The following RBM39 variants were observed in gnomAD, a reference collection of about 807,000 sequenced individuals.
The protein encoded by RBM39 is RNA binding motif protein 39.
In RBM39, 12 loss-of-function variants were observed where a neutral mutation model predicts 79.6. The ratio of observed to expected loss-of-function variants is 0.15; its 90% CI spans 0.10 to 0.24. The LOEUF (loss-of-function observed/expected upper bound fraction) is 0.24. Ranked by LOEUF, RBM39 falls within the 10% of genes least tolerant of loss-of-function variation. The pLI is 1.00. For missense variants in RBM39, 243 were observed against 653.4 expected (o/e 0.37, Z 6.85); for synonymous variants, 185 against 208.4 (o/e 0.89, Z 0.97).
intron 11 of RBM39, chr20:35,713,884 A>G (rs1223580196): frequency 8.1e-6 from 2 of 247,206 alleles, no homozygotes; most frequent in Non-Finnish European, 1.6e-5. Context: ...GAAATTACAA[A>G]AAGAAAAACT....
At chr20:35,720,068 T>A in intron 9 of RBM39, 1 of 190,302 alleles carries the variant, frequency 5.3e-6, no homozygotes, top group South Asian at 6.1e-5. Context: ...ATTACAGGTG[T>A]GAGCCACTGC....
chr20:35,705,408 A>T (rs1428123684), intron 14 of RBM39, 78 bp from the exon 15 acceptor site: 1 of 823,272 alleles, frequency 1.2e-6, no homozygotes, highest in South Asian at 1.7e-5. Flanking sequence ...CAAAAAATTT[A>T]AATATTCTAT....
chr20:35,714,163 C>T (rs775871262), intron 11 of RBM39, 22 bp downstream of exon 11: 18 of 1,605,574 alleles, frequency 1.1e-5, no homozygotes, highest in South Asian at 1.1e-4. Context: ...GTAAATCATT[C>T]GTAATAGCAA....
chr20:35,735,105 A>G (rs1318874467), intron 3 of RBM39: 1 of 1,516,340 alleles, frequency 6.6e-7, no homozygotes, highest in Non-Finnish European at 8.8e-7. Flanking sequence ...AAAAAAATAG[A>G]AAAGTCATTT....
chr20:35,729,851 A>ACAC (rs1555901272), intron 4 of RBM39, among the ~76,000 whole-genome samples: 2 of 124,024 alleles, frequency 1.6e-5, no homozygotes, highest in Non-Finnish European at 3.6e-5. Context: ...ATTAAAAAAA[A>ACAC]AAAAACACAC....
chr20:35,709,394 A>T, intron 12 of RBM39, 120 bp from the exon 13 acceptor site: 1 of 789,484 alleles, frequency 1.3e-6, no homozygotes, highest in Non-Finnish European at 2.0e-6. Context: ...AAAACCTGGC[A>T]GCAAAACCTC....
intron 11 of RBM39, 185 bp downstream of exon 11, chr20:35,714,000 A>T (rs1308769935): frequency 4.9e-6 from 3 of 614,920 alleles, no homozygotes; most frequent in Admixed American, 3.2e-5. Flanking sequence ...TTCAAAACAC[A>T]TAATATAGAT....
At chr20:35,712,459 A>AAG (rs1555890288) in intron 12 of RBM39, among the ~76,000 whole-genome samples, 11 of 22,780 alleles carry the variant, frequency 4.8e-4, no homozygotes, top group East Asian at 2.0e-3. Context: ...AAAAAAAAAA[A>AAG]GGGGGCGGGG....
Position 35,705,345 on chromosome 20 carries a change from T to A in RBM39, c.1308-15A>T. Reference sequence around the variant, plus strand: ...CTTCTTCTTCTCTGTAAGAAAGTATTAAGGACTCTTAAATACTATTGAAAC... The same window carrying A: ...CTTCTTCTTCTCTGTAAGAAAGTATAAAGGACTCTTAAATACTATTGAAAC... On this transcript the variant is annotated splice_polypyrimidine_tract_variant and intron_variant, in intron 14 of 16. Transcript: ENST00000253363. 7.2e-7 allele frequency: 1 copy of A among 1,393,910 alleles called. No individual in the cohort carries two copies. The highest frequency in any genetic ancestry group is 1.0e-6 in the Non-Finnish European group (1 of 996,952). The allele number at this position is 1,393,910 out of a possible 1,614,324, so 86.3% of individuals were successfully genotyped here.
At chr20:35,725,752 T>A (rs2038598273) in intron 6 of RBM39, among the ~76,000 whole-genome samples, 1 of 144,560 alleles carries the variant, frequency 6.9e-6, no homozygotes, top group Admixed American at 7.1e-5. Context: ...AACCTCCGCC[T>A]CCCTGAGTTC....
chr20:35,724,576 T>C lies in RBM39; in HGVS notation c.681A>G (p.Ala227=). 2 of 1,613,636 alleles carry C rather than the reference T, an allele frequency of 1.2e-6. No homozygotes were observed. Among genetic ancestry groups the C allele is most frequent in the South Asian group, 2.2e-5 (2 of 90,874 alleles). The part of the protein sequence containing the change: ...RVLGVPIIVQ[A]SQAEKNRAAA... The stretch of plus-strand genomic sequence containing the variant: ...TAACCAACAAAAAAATTACCTGTGA[T>C]GCCTGTACTATGATTGGCACGCCTA... The change falls in exon 8 of 17, where the codon GCA becomes GCG. Residue 227 remains alanine, a synonymous_variant. Transcript: ENST00000253363.
At chr20:35,726,099 T>A (rs1335220557) in intron 6 of RBM39, among the ~76,000 whole-genome samples, 1 of 152,224 alleles carries the variant, frequency 6.6e-6, no homozygotes, top group Non-Finnish European at 1.5e-5. Flanking sequence ...CACAGAAGTC[T>A]ACTGGCCTTA....
chr20:35,734,228 T>G (rs1246751687), intron 3 of RBM39: 1 of 1,303,824 alleles, frequency 7.7e-7, no homozygotes, highest in Non-Finnish European at 1.0e-6. Flanking sequence ...CAAGGAGATG[T>G]AGAGCTTTCC....
At chr20:35,733,546 T>G (rs916838575) in intron 3 of RBM39, among the ~76,000 whole-genome samples, 1 of 151,620 alleles carries the variant, frequency 6.6e-6, no homozygotes, top group Non-Finnish European at 1.5e-5. Flanking sequence ...GAGGCAGAGG[T>G]TGGAGTGAGC....
chr20:35,735,178 A>G, intron 3 of RBM39: 1 of 1,364,578 alleles, frequency 7.3e-7, no homozygotes, highest in Non-Finnish European at 9.5e-7. Flanking sequence ...TGTCATTTTA[A>G]TGTTATCTTT....
In RBM39 at chr20:35,703,801, C is replaced by T. The variant is rs1279410202; in HGVS notation, c.*680G>A. The stretch of plus-strand genomic sequence containing the variant: ...CCAGACAAAACCTATTTCTGCATTT[C>T]CTATTTCTTTCTCAGACTGCTTTGC... On this transcript the variant is annotated 3_prime_UTR_variant, in exon 17 of 17. Transcript: ENST00000253363. The T allele has an allele frequency of 2.0e-5, 3 of 152,490 alleles. No homozygotes were observed. The highest frequency in any genetic ancestry group is 4.4e-5 in the Non-Finnish European group (3 of 68,036). 9.4% of individuals were successfully genotyped at this position (152,490 alleles called of 1,614,324 possible).
At chr20:35,734,217 A>C in intron 3 of RBM39, 1 of 1,303,792 alleles carries the variant, frequency 7.7e-7, no homozygotes, top group Middle Eastern at 2.1e-4. Context: ...CACTCCAATC[A>C]CAAGGAGATG....
chr20:35,720,605 A>AAT (rs1491130174), intron 9 of RBM39, among the ~76,000 whole-genome samples: 8 of 116,292 alleles, frequency 6.9e-5, no homozygotes, highest in Non-Finnish European at 9.3e-5. Flanking sequence ...CCCTGTCTCT[A>AAT]AAAAAAAAAA....
chr20:35,731,984 T>C lies in RBM39; in HGVS notation c.253A>G (p.Arg85Gly). ...CCTCTAAATCTTCGATCTCGACTTCTTGAGCGGCTCCGTCGCCTCTCTTTG... is the reference window on the plus strand; with the variant it reads ...CCTCTAAATCTTCGATCTCGACTTCCTGAGCGGCTCCGTCGCCTCTCTTTG... Reference protein sequence around the residue: ...RSKERRRSRSRSRDRRFRGRY... With the variant: ...RSKERRRSRSGSRDRRFRGRY... The change falls in exon 4 of 17, where the codon AGA becomes GGA. Residue 85 changes from arginine to glycine, a missense_variant. Physicochemically the swap from Arg to Gly is moderately radical, Grantham distance 125. Around this residue, in one of 4 missense-constraint regions of RBM39, gnomAD observed 115 missense variants for 184.1 expected, o/e 0.62. Coordinates refer to ENST00000253363, the MANE Select transcript of RBM39 (RefSeq NM_184234.3). 1 of 1,614,206 alleles carries C rather than the reference T, an allele frequency of 6.2e-7. No homozygotes were observed.
Sources: allele counts gnomAD v4.1 joint callset (sites outside exome capture counted in the v4.1 genomes callset), GRCh38; gene constraint gnomAD v4.1.1; regional missense constraint gnomAD v4.1.1; transcripts MANE v1.5; gene names NCBI Gene and HGNC (gene_info 2026-07-23, HGNC 2026-07-21).